Variants in TRIM24 observed in about 807,000 individuals in gnomAD.
TRIM24 encodes tripartite motif containing 24, also known as transcription intermediary factor 1-alpha.
Under a neutral mutation model 123.9 loss-of-function variants are expected in TRIM24, and 29 were observed. That is an observed-to-expected ratio of 0.23 (90% CI 0.17 to 0.32). The LOEUF is 0.32. Ranked by LOEUF, TRIM24 falls within the 10% of genes least tolerant of loss-of-function variation. The probability of loss-of-function intolerance (pLI) is 1.00; values close to 1 mark genes in which losing one functional copy is unlikely to be tolerated. For synonymous variants in TRIM24, 456 were observed against 461.1 expected, an observed-to-expected ratio of 0.99 and a Z score of 0.14; for missense variants, 932 against 1,295.3, an observed-to-expected ratio of 0.72 and a Z score of 4.31.
At chr7:138,510,191 G>A (rs929862244) in intron 2 of TRIM24, among the ~76,000 whole-genome samples, 3 of 152,190 alleles carry the variant, frequency 2.0e-5, no homozygotes, top group African/African-American at 7.2e-5. Context: ...TTCTGACATT[G>A]CATTCTCCTT....
chr7:138,520,290 G>A (rs1796480083), intron 4 of TRIM24, among the ~76,000 whole-genome samples: 1 of 152,218 alleles, frequency 6.6e-6, no homozygotes, highest in South Asian at 2.1e-4. Flanking sequence ...AAATTAGCTA[G>A]TAAGTTGTTC....
intron 1 of TRIM24, among the ~76,000 whole-genome samples, chr7:138,495,953 G>A (rs1263335881): frequency 6.6e-6 from 1 of 152,062 alleles, no homozygotes. Context: ...CTGTTTCATT[G>A]TTTGTATTTC....
chr7:138,469,668 G>A (rs1795228449), intron 1 of TRIM24, among the ~76,000 whole-genome samples: 1 of 152,094 alleles, frequency 6.6e-6, no homozygotes, highest in African/African-American at 2.4e-5. Flanking sequence ...ATGACTAAGT[G>A]CCATTATATT....
intron 1 of TRIM24, among the ~76,000 whole-genome samples, chr7:138,470,517 T>G (rs778323682): frequency 6.6e-6 from 1 of 152,246 alleles, no homozygotes; most frequent in Non-Finnish European, 1.5e-5. Flanking sequence ...AAGATTATGG[T>G]AGGCCATTAC....
intron 4 of TRIM24, among the ~76,000 whole-genome samples, chr7:138,523,616 G>A (rs529074631): frequency 2.6e-5 from 4 of 152,128 alleles, no homozygotes; most frequent in Admixed American, 6.5e-5. Context: ...TTAGCCAGGC[G>A]TGGTGGTGGG....
chr7:138,544,390 T>C (rs1047451559), intron 7 of TRIM24, among the ~76,000 whole-genome samples: 1 of 152,240 alleles, frequency 6.6e-6, no homozygotes, highest in African/African-American at 2.4e-5. Context: ...CTATTGTATA[T>C]ATCTACTGCA....
chr7:138,585,169 T>TGGAAAGAA lies in TRIM24; in HGVS notation c.*224_*231dup, dbSNP rs1211063256. The TGGAAAGAA allele has an allele frequency of 2.8e-4, 103 of 364,384 alleles. No homozygotes were observed. Among genetic ancestry groups the TGGAAAGAA allele is most frequent in the African/African-American group, 1.9e-3 (88 of 47,404 alleles). 22.6% of individuals were successfully genotyped at this position (364,384 alleles called of 1,614,324 possible). A position where few individuals can be genotyped will look rare whatever the true frequency, so the allele number is the denominator to read the frequency against. On this transcript the variant is annotated 3_prime_UTR_variant, in exon 19 of 19. Coordinates refer to ENST00000343526, the MANE Select transcript of TRIM24 (RefSeq NM_015905.3). ...AAGGAGATGAATAGAAGAAAGAAAA[T>TGGAAAGAA]GGAAAGAAGGAAAAAAGGAGGATAG...
chr7:138,466,603 C>T (rs1795147238), intron 1 of TRIM24, among the ~76,000 whole-genome samples: 1 of 149,142 alleles, frequency 6.7e-6, no homozygotes, highest in Non-Finnish European at 1.5e-5. Context: ...GATCACCCAT[C>T]TCGTCTCCCA....
intron 9 of TRIM24, among the ~76,000 whole-genome samples, chr7:138,557,765 T>C (rs1026582337): frequency 1.3e-5 from 2 of 152,174 alleles, no homozygotes; most frequent in Non-Finnish European, 2.9e-5. Context: ...TTTTGAGAAA[T>C]AGCATTTCTC....
intron 1 of TRIM24, among the ~76,000 whole-genome samples, chr7:138,491,556 A>G (rs1406165658): frequency 6.7e-6 from 1 of 150,180 alleles, no homozygotes; most frequent in Non-Finnish European, 1.5e-5. Context: ...TTGTAAGGGT[A>G]TAGCACATTT....
intron 17 of TRIM24, among the ~76,000 whole-genome samples, chr7:138,583,294 A>AT (rs1797940939): frequency 2.6e-5 from 4 of 152,226 alleles, no homozygotes; most frequent in Non-Finnish European, 5.9e-5. Flanking sequence ...TAGATGATTA[A>AT]GAGGAAATAT....
In TRIM24 at chr7:138,589,186, C is replaced by T. The variant is rs548306244; in HGVS notation, c.*4235C>T. The T allele has an allele frequency of 4.6e-5, 7 of 152,126 alleles. No homozygotes were observed. The South Asian group carries it at 1.5e-3, about 32-fold the overall frequency. 9.4% of individuals were successfully genotyped at this position (152,126 alleles called of 1,614,324 possible). A position where few individuals can be genotyped will look rare whatever the true frequency, so the allele number is the denominator to read the frequency against. Reference sequence around the variant, plus strand: ...CATATTCATCTTGAATGTGAATTTACTGTTGTAATTCACATACTGGTGTCA... The same window carrying T: ...CATATTCATCTTGAATGTGAATTTATTGTTGTAATTCACATACTGGTGTCA... On this transcript the variant is annotated 3_prime_UTR_variant, in exon 19 of 19. Coordinates refer to ENST00000343526, the MANE Select transcript of TRIM24 (RefSeq NM_015905.3).
intron 1 of TRIM24, chr7:138,461,338 G>A (rs772408061): frequency 2.2e-6 from 1 of 446,996 alleles, no homozygotes; most frequent in East Asian, 6.4e-5. Flanking sequence ...CTATACTCAC[G>A]TTATTTGAGC....
rs1231587244 is a variant in TRIM24 at position 138,586,780 on chromosome 7, C to T, written c.*1829C>T. 3 of 152,176 alleles carry T rather than the reference C, an allele frequency of 2.0e-5. No homozygotes were observed. Among genetic ancestry groups the T allele is most frequent in the Non-Finnish European group, 4.4e-5 (3 of 68,028 alleles). 9.4% of individuals were successfully genotyped at this position (152,176 alleles called of 1,614,324 possible). ...ATTTTATTGTTGGTATCTTAGAATA[C>T]TGTTCGTCTGACAGTTTATTCTTCC... is the stretch of plus-strand genomic sequence containing the variant. On this transcript the variant is annotated 3_prime_UTR_variant, in exon 19 of 19. Transcript: ENST00000343526.
intron 1 of TRIM24, among the ~76,000 whole-genome samples, chr7:138,489,540 CTGG>C (rs1795731986): frequency 6.6e-6 from 1 of 152,090 alleles, no homozygotes; most frequent in African/African-American, 2.4e-5. Flanking sequence ...TAAGGCAGGC[CTGG>C]TGGTGACAAA....
chr7:138,461,452 C>G, intron 1 of TRIM24: 1 of 341,974 alleles, frequency 2.9e-6, no homozygotes, highest in South Asian at 2.2e-5. Flanking sequence ...GTTTGGGGCT[C>G]TTTACCTTAA....
chr7:138,505,882 G>A (rs1796142692), intron 2 of TRIM24, among the ~76,000 whole-genome samples: 1 of 152,166 alleles, frequency 6.6e-6, no homozygotes, highest in Non-Finnish European at 1.5e-5. Context: ...GCCATGTTGA[G>A]ATTAATTCTA....
At chr7:138,513,401 G>A (rs1199540274) in intron 2 of TRIM24, among the ~76,000 whole-genome samples, 2 of 152,122 alleles carry the variant, frequency 1.3e-5, no homozygotes, top group African/African-American at 2.4e-5. Flanking sequence ...TTGCTATAAA[G>A]AAATATCTGA....
At chr7:138,464,285 C>T (rs548259416) in intron 1 of TRIM24, among the ~76,000 whole-genome samples, 6 of 151,970 alleles carry the variant, frequency 3.9e-5, no homozygotes, top group South Asian at 4.2e-4. Context: ...TGTGAGCCAC[C>T]GCAGCCAGCC....
Sources: gnomAD v4.1 joint callset for allele counts (sites outside exome capture counted in the v4.1 genomes callset) on GRCh38, gnomAD v4.1.1 for gene constraint, MANE v1.5 for transcripts, NCBI Gene and HGNC (gene_info 2026-07-23, HGNC 2026-07-21) for gene names.